Variants in PLXDC2 observed in about 807,000 individuals in gnomAD.
The protein encoded by PLXDC2 is plexin domain containing 2.
In PLXDC2, 40 loss-of-function variants were observed where a neutral mutation model predicts 68.9. The observed-to-expected ratio is 0.58, with a 90% CI of 0.45 to 0.76. PLXDC2 has a LOEUF of 0.76. Among genes scored for constraint, PLXDC2 ranks in the 30% least tolerant of loss-of-function variants. PLXDC2 has a pLI of 0.00. For synonymous variants in PLXDC2, 243 were observed against 234.2 expected (o/e 1.04, Z -0.34); for missense variants, 644 against 661.9 (o/e 0.97, Z 0.30).
intron 1 of PLXDC2, among the ~76,000 whole-genome samples, chr10:19,941,602 A>G (rs1422453201): frequency 6.6e-6 from 1 of 152,182 alleles, no homozygotes; most frequent in African/African-American, 2.4e-5. Context: ...CTCTTAAGCC[A>G]GTTCAAAGGG....
intron 1 of PLXDC2, among the ~76,000 whole-genome samples, chr10:19,910,806 C>T (rs941442873): frequency 1.2e-4 from 18 of 151,716 alleles, no homozygotes; most frequent in Admixed American, 2.0e-4. Context: ...GTCAGGCATC[C>T]GGGACCAGCC....
intron 1 of PLXDC2, among the ~76,000 whole-genome samples, chr10:19,988,658 C>T (rs1165333453): frequency 1.3e-5 from 2 of 150,946 alleles, no homozygotes; most frequent in African/African-American, 4.9e-5. Context: ...GGGATAAAAT[C>T]AAATGTTGTA....
At chr10:20,105,159 GTTTCCT>G (rs2131743053) in intron 4 of PLXDC2, among the ~76,000 whole-genome samples, 1 of 151,170 alleles carries the variant, frequency 6.6e-6, no homozygotes, top group East Asian at 2.0e-4. Flanking sequence ...TGATGCTTAT[GTTTCCT>G]TGAGACTCTC....
intron 2 of PLXDC2, among the ~76,000 whole-genome samples, chr10:20,017,836 G>A (rs940351952): frequency 5.9e-5 from 9 of 152,174 alleles, no homozygotes; most frequent in Admixed American, 2.0e-4. Context: ...AAATAGTTCC[G>A]GTGTTAAAAG....
chr10:20,015,248 C>G (rs956572314), intron 2 of PLXDC2, among the ~76,000 whole-genome samples: 5 of 152,132 alleles, frequency 3.3e-5, no homozygotes, highest in Non-Finnish European at 5.9e-5. Flanking sequence ...GCATTGCCAG[C>G]AGTGCTTTTA....
chr10:20,228,801 A>G (rs1835321484), intron 12 of PLXDC2, among the ~76,000 whole-genome samples: 1 of 152,186 alleles, frequency 6.6e-6, no homozygotes, highest in South Asian at 2.1e-4. Flanking sequence ...CACAGAAACC[A>G]AAAGAGAATA....
At chr10:19,971,912 T>G (rs1834361488) in intron 1 of PLXDC2, among the ~76,000 whole-genome samples, 1 of 151,994 alleles carries the variant, frequency 6.6e-6, no homozygotes, top group South Asian at 2.1e-4. Flanking sequence ...GTAATCTCGC[T>G]GGGGATCTGA....
chr10:20,235,098 C>T (rs540040427), intron 12 of PLXDC2, among the ~76,000 whole-genome samples: 19 of 152,274 alleles, frequency 1.2e-4, no homozygotes, highest in African/African-American at 4.3e-4. Flanking sequence ...GATTCTATAT[C>T]CTATGTCCAA....
chr10:20,129,394 C>A (rs147628638), intron 4 of PLXDC2, among the ~76,000 whole-genome samples: 1 of 152,080 alleles, frequency 6.6e-6, no homozygotes, highest in Non-Finnish European at 1.5e-5. Context: ...ATGTAATTTG[C>A]AAATGTCTTC....
intron 2 of PLXDC2, 131 bp downstream of exon 2, chr10:20,002,117 T>A: frequency 2.3e-6 from 2 of 872,150 alleles, no homozygotes; most frequent in Non-Finnish European, 3.5e-6. Context: ...AAGAACAATT[T>A]AATTCGTTAA....
At chr10:20,257,148 C>T (rs1243649667) in intron 13 of PLXDC2, among the ~76,000 whole-genome samples, 1 of 152,154 alleles carries the variant, frequency 6.6e-6, no homozygotes, top group Non-Finnish European at 1.5e-5. Context: ...CTGACACTCA[C>T]AGGTACTCAG....
chr10:20,121,583 T>G (rs1833698302), intron 4 of PLXDC2, among the ~76,000 whole-genome samples: 1 of 152,012 alleles, frequency 6.6e-6, no homozygotes, highest in African/African-American at 2.4e-5. Flanking sequence ...TCAGGGTCAG[T>G]CTAAGTGAAA....
At chr10:19,880,465 A>T (rs1369389430) in intron 1 of PLXDC2, among the ~76,000 whole-genome samples, 1 of 152,218 alleles carries the variant, frequency 6.6e-6, no homozygotes, top group East Asian at 1.9e-4. Flanking sequence ...GTGTAGTAAA[A>T]GTTATATAAA....
At chr10:20,039,635 G>A (rs1042437288) in intron 2 of PLXDC2, among the ~76,000 whole-genome samples, 3 of 151,778 alleles carry the variant, frequency 2.0e-5, no homozygotes, top group South Asian at 4.2e-4. Flanking sequence ...ATATGTTGGC[G>A]GTTTGATTAA....
intron 12 of PLXDC2, among the ~76,000 whole-genome samples, chr10:20,228,551 C>T (rs1217450581): frequency 4.1e-5 from 6 of 146,118 alleles, no homozygotes; most frequent in African/African-American, 1.3e-4. Flanking sequence ...GACAGTGAGT[C>T]TTCAAAAAAA....
chr10:20,233,928 C>T (rs1835397733), intron 12 of PLXDC2, among the ~76,000 whole-genome samples: 1 of 152,072 alleles, frequency 6.6e-6, no homozygotes, highest in Non-Finnish European at 1.5e-5. Flanking sequence ...TCAAGCAATC[C>T]TCCCACTTCA....
At chr10:19,962,788 C>T (rs1485342488) in intron 1 of PLXDC2, among the ~76,000 whole-genome samples, 1 of 148,998 alleles carries the variant, frequency 6.7e-6, no homozygotes, top group South Asian at 2.1e-4. Flanking sequence ...AGATCGAGAC[C>T]ATCCTGGCTA....
At chr10:20,033,956 G>A (rs1244080047) in intron 2 of PLXDC2, among the ~76,000 whole-genome samples, 1 of 152,118 alleles carries the variant, frequency 6.6e-6, no homozygotes, top group East Asian at 1.9e-4. Flanking sequence ...AAGATAATAT[G>A]AAATCTATTG....
intron 1 of PLXDC2, among the ~76,000 whole-genome samples, chr10:19,951,430 GA>G (rs1346382740): frequency 1.6e-4 from 24 of 152,088 alleles, no homozygotes; most frequent in Admixed American, 1.5e-3. Context: ...AATCATTAGA[GA>G]AATGCAATAA....
Sources: gnomAD v4.1 joint callset for allele counts (sites outside exome capture counted in the v4.1 genomes callset) on GRCh38, gnomAD v4.1.1 for gene constraint, MANE v1.5 for transcripts, NCBI Gene and HGNC (gene_info 2026-07-23, HGNC 2026-07-21) for gene names.